Variants in IQGAP2 observed in about 807,000 individuals in gnomAD.
The protein encoded by IQGAP2 is IQ motif containing GTPase activating protein 2.
IQGAP2 carries 173 observed loss-of-function variants against 201.3 expected under a neutral mutation model. The ratio of observed to expected loss-of-function variants is 0.86; its 90% CI spans 0.76 to 0.98. The LOEUF is 0.98. IQGAP2 is among the 50% of genes least tolerant of loss of function. IQGAP2 has a pLI of 0.00. For synonymous variants in IQGAP2, 675 were observed against 673.9 expected, an observed-to-expected ratio of 1.00 and a Z score of -0.03; for missense variants, 1,687 against 1,864.8, an observed-to-expected ratio of 0.90 and a Z score of 1.76.
intron 2 of IQGAP2, among the ~76,000 whole-genome samples, chr5:76,475,784 A>G (rs1356141353): frequency 3.3e-5 from 5 of 152,178 alleles, no homozygotes; most frequent in Non-Finnish European, 7.3e-5. Flanking sequence ...ACATGTTAAT[A>G]AAACTTATAT....
rs112322250 is a variant in IQGAP2, at chr5:76,559,902, G to A, written c.147-2494G>A. 5.3e-3 allele frequency among the ~76,000 whole-genome samples: 802 copies of A among 152,276 alleles called. 5 individuals are homozygous for A. Among genetic ancestry groups the A allele is most frequent in the East Asian group, 0.015 (76 of 5,186 alleles). On this transcript the variant is annotated intron_variant, in intron 2 of 35. Coordinates refer to ENST00000274364, the MANE Select transcript of IQGAP2 (RefSeq NM_006633.5). ...CCAATGGGAACGCATCTTGTCCAGGGTTGGTGCCCACCCCCCTACCTCTGA... is the reference window on the plus strand; with the variant it reads ...CCAATGGGAACGCATCTTGTCCAGGATTGGTGCCCACCCCCCTACCTCTGA...
chr5:76,576,591 C>A (rs2150283242), intron 5 of IQGAP2, among the ~76,000 whole-genome samples: 1 of 152,278 alleles, frequency 6.6e-6, no homozygotes, highest in South Asian at 2.1e-4. Context: ...GAGTACTCTG[C>A]CTAGAGGTTT....
intron 1 of IQGAP2, among the ~76,000 whole-genome samples, chr5:76,443,187 G>A (rs184309250): frequency 2.0e-5 from 3 of 152,116 alleles, no homozygotes; most frequent in East Asian, 3.9e-4. Context: ...ATTTATAGTC[G>A]GAAAATATAT....
intron 21 of IQGAP2, among the ~76,000 whole-genome samples, chr5:76,664,358 G>A (rs893605906): frequency 2.0e-5 from 3 of 152,170 alleles, no homozygotes; most frequent in African/African-American, 7.2e-5. Flanking sequence ...CGTGGTTTGT[G>A]GCACCCCAAA....
In IQGAP2 at chr5:76,413,208, G is replaced by A. The variant is rs187933114; in HGVS notation, c.46+9617G>A. ...TTTTGCGATGGAGTCTCACTGTGTC[G>A]CCTAGGCTGGAGTGCAGTGGCGCGA... On this transcript the variant is annotated intron_variant, in intron 1 of 35. Transcript: ENST00000274364. Among the ~76,000 whole-genome samples, 290 of 115,164 alleles carry A rather than the reference G, an allele frequency of 2.5e-3. 2 individuals carry two copies. Among genetic ancestry groups the A allele is most frequent in the African/African-American group, 9.4e-3 (274 of 29,150 alleles). 75.6% of individuals were successfully genotyped at this position (115,164 alleles called of 152,430 possible).
intron 35 of IQGAP2, among the ~76,000 whole-genome samples, chr5:76,703,019 TG>T (rs1180807691): frequency 1.4e-4 from 1 of 7,268 alleles, no homozygotes; most frequent in African/African-American, 6.1e-4. Flanking sequence ...GGGGAGGGGG[TG>T]GGGGTGGGGC....
chr5:76,537,486 T>C (rs1445447250), intron 2 of IQGAP2, among the ~76,000 whole-genome samples: 1 of 150,418 alleles, frequency 6.6e-6, no homozygotes, highest in South Asian at 2.1e-4. Context: ...TGTTCACAAC[T>C]ATTTTTTTTT....
chr5:76,523,550 A>C (rs1361591898), intron 2 of IQGAP2, among the ~76,000 whole-genome samples: 1 of 152,192 alleles, frequency 6.6e-6, no homozygotes, highest in Non-Finnish European at 1.5e-5. Flanking sequence ...GGCACAGCTG[A>C]ATAAGACATG....
intron 2 of IQGAP2, among the ~76,000 whole-genome samples, chr5:76,491,420 A>G (rs1055393494): frequency 1.3e-5 from 2 of 152,132 alleles, no homozygotes; most frequent in Admixed American, 6.5e-5. Context: ...TTACAGTTTT[A>G]TAGGGCTTTT....
At chr5:76,665,244 G>A (rs1743648684) in intron 22 of IQGAP2, 69 bp downstream of exon 22, 1 of 1,376,686 alleles carries the variant, frequency 7.3e-7, no homozygotes, top group African/African-American at 1.4e-5. Flanking sequence ...GGCTTACAGG[G>A]AGTATTTTGT....
rs1301159847 is a variant in IQGAP2, at chr5:76,643,362, AAAGAT to A, written c.2094+2260_2094+2264del. Among the ~76,000 whole-genome samples, 16 of 152,380 alleles carry A rather than the reference AAAGAT, an allele frequency of 1.1e-4. No homozygotes were observed. The East Asian group carries it at 2.7e-3, about 26-fold the overall frequency. ...ACAAAAAACTTCAGAAAAATCCACA[AAAGAT>A]GAGAGAAAGAATAGATGACTAAAAA... On this transcript the variant is annotated intron_variant, in intron 17 of 35. Coordinates refer to ENST00000274364, the MANE Select transcript of IQGAP2 (RefSeq NM_006633.5).
rs187349744 is a variant in IQGAP2, at chr5:76,578,896, G to A, written c.458+3127G>A. Among the ~76,000 whole-genome samples the A allele has an allele frequency of 5.3e-5, 8 of 152,046 alleles. No homozygotes were observed. In the East Asian group the frequency reaches 1.6e-3, roughly 30 times the overall value. ...TTAAGAGTGAGAGCCTTACTAACTA[G>A]TTACTATACTAATTTTTAAAAAATA... On this transcript the variant is annotated intron_variant, in intron 5 of 35. Transcript: ENST00000274364.
At chr5:76,689,684 T>G (rs1746099416) in intron 30 of IQGAP2, among the ~76,000 whole-genome samples, 2 of 152,208 alleles carry the variant, frequency 1.3e-5, no homozygotes, top group Admixed American at 1.3e-4. Context: ...AGCTGAAAGA[T>G]TTCCTTGTTT....
chr5:76,408,311 G>A (rs780721067), intron 1 of IQGAP2, among the ~76,000 whole-genome samples: 2 of 152,194 alleles, frequency 1.3e-5, no homozygotes, highest in African/African-American at 2.4e-5. Flanking sequence ...ATGGAACAAA[G>A]GTTTGTGAAC....
chr5:76,497,359 C>G (rs577974375), intron 2 of IQGAP2, among the ~76,000 whole-genome samples: 48 of 152,218 alleles, frequency 3.2e-4, no homozygotes, highest in Non-Finnish European at 5.3e-4. Context: ...CTCAAAACTT[C>G]TTGCTTTGTA....
intron 1 of IQGAP2, among the ~76,000 whole-genome samples, chr5:76,436,221 C>T (rs1752638743): frequency 6.6e-6 from 1 of 151,536 alleles, no homozygotes; most frequent in African/African-American, 2.4e-5. Context: ...TTTCTCTTGC[C>T]TTATTGCTAT....
At chr5:76,537,134 AC>A (rs1244260832) in intron 2 of IQGAP2, among the ~76,000 whole-genome samples, 4 of 152,238 alleles carry the variant, frequency 2.6e-5, no homozygotes, top group African/African-American at 9.6e-5. Context: ...TGCTTACTAA[AC>A]AAAATTCCTT....
intron 13 of IQGAP2, among the ~76,000 whole-genome samples, chr5:76,611,735 A>G (rs1443476422): frequency 6.6e-6 from 1 of 152,212 alleles, no homozygotes; most frequent in African/African-American, 2.4e-5. Flanking sequence ...GTAGAGCAGA[A>G]GCTGTCCTCT....
rs199629787 is a variant in IQGAP2 at position 76,699,963 on chromosome 5, CTATA to C, written c.4368-1100_4368-1097del. On this transcript the variant is annotated intron_variant, in intron 33 of 35. Coordinates refer to ENST00000274364, the MANE Select transcript of IQGAP2 (RefSeq NM_006633.5). ...TCTCTCACTCTCGTGCTCTCTCTCT[CTATA>C]TATATATATATACAAAAATACACTA... Among the ~76,000 whole-genome samples the C allele has an allele frequency of 1.6e-3, 186 of 116,262 alleles. 13 individuals are homozygous for C. The highest frequency in any genetic ancestry group is 5.0e-3 in the East Asian group (18 of 3,604). 76.3% of individuals were successfully genotyped at this position (116,262 alleles called of 152,430 possible). A position where few individuals can be genotyped will look rare whatever the true frequency, so the allele number is the denominator to read the frequency against.
Sources: gnomAD v4.1 joint callset for allele counts (sites outside exome capture counted in the v4.1 genomes callset) on GRCh38, gnomAD v4.1.1 for gene constraint, MANE v1.5 for transcripts, NCBI Gene and HGNC (gene_info 2026-07-23, HGNC 2026-07-21) for gene names.